Variants in CHCHD10 observed in about 807,000 individuals in gnomAD.
The protein encoded by CHCHD10 is coiled-coil-helix-coiled-coil-helix domain-containing protein 10, mitochondrial.
Under a neutral mutation model 14.8 loss-of-function variants are expected in CHCHD10, and 10 were observed. The ratio of observed to expected loss-of-function variants is 0.67; its 90% CI spans 0.42 to 1.14. The LOEUF is 1.14. Ranked by LOEUF, CHCHD10 falls within the 50% of genes most tolerant of loss-of-function variation. The pLI, the probability that CHCHD10 is intolerant of heterozygous loss-of-function variation, is 0.00. For missense variants in CHCHD10, 203 were observed against 196.9 expected (o/e 1.03, Z -0.19); for synonymous variants, 90 against 85.2 (o/e 1.06, Z -0.31).
In CHCHD10 at chr22:23,766,269, T is replaced by TGGGGGGCAAGGGGGGGG; in HGVS notation, c.267_268insCCCCCCCCTTGCCCCCC (p.Thr90ProfsTer46). The TGGGGGGCAAGGGGGGGG allele has an allele frequency of 1.3e-6, 1 of 747,120 alleles. No homozygotes were observed. The highest frequency in any genetic ancestry group is 3.4e-5 in the Admixed American group (1 of 29,382). 46.3% of individuals were successfully genotyped at this position (747,120 alleles called of 1,614,324 possible). ...TGCAGGGGCTGGGGGGCAGCGGGGG[T>TGGGGGGCAAGGGGGGGG]GGGGGCCTGGGGGTACAGTGCAAGA... On this transcript the variant is annotated frameshift_variant, in exon 3 of 4. Coordinates refer to ENST00000484558, the MANE Select transcript of CHCHD10 (RefSeq NM_213720.3). LOFTEE classifies it high-confidence loss of function.
Position 23,767,389 on chromosome 22 carries a change from C to CT in CHCHD10, c.245dup (p.Pro83AlafsTer36). The CT allele has an allele frequency of 6.2e-7, 1 of 1,608,844 alleles. No individual in the cohort carries two copies. Reference sequence around the variant, plus strand: ...CGCTGCTCACCTGCTGGACAGCAGGCTGGGAGGGCTCCGAGCTCCCCCCGC... The same window carrying CT: ...CGCTGCTCACCTGCTGGACAGCAGGCTTGGGAGGGCTCCGAGCTCCCCCCGC... On this transcript the variant is annotated frameshift_variant, in exon 2 of 4. Coordinates refer to ENST00000484558, the MANE Select transcript of CHCHD10 (RefSeq NM_213720.3). LOFTEE classifies it high-confidence loss of function.
rs765753241 is a variant in CHCHD10, at chr22:23,766,158, C to T, written c.379G>A (p.Glu127Lys). 4.3e-6 allele frequency: 7 copies of T among 1,613,378 alleles called. No homozygotes were observed. Among genetic ancestry groups the T allele is most frequent in the Non-Finnish European group, 5.9e-6 (7 of 1,179,764 alleles). Residue 127 changes from glutamate (E) to lysine (K), a missense_variant, in exon 3 of 4, where the codon GAG becomes AAG. Physicochemically the swap from Glu to Lys is moderately conservative, Grantham distance 56. Transcript: ENST00000484558. ...TAGTACTTGCACTGCTTCAGGGCCT[C>T]GCTGAAGCCCTCACACAGGGACAGG... The part of the protein sequence containing the change: ...SDLSLCEGFS[E>K]ALKQCKYYHG...
At position 23,766,397 on chromosome 22, in the gene CHCHD10, G is replaced by A. The variant is rs1328805851; in HGVS notation, c.262-122C>T. On this transcript the variant is annotated intron_variant, in intron 2 of 3. Coordinates refer to ENST00000484558, the MANE Select transcript of CHCHD10 (RefSeq NM_213720.3). Reference sequence around the variant, plus strand: ...AGCCTGGGTGTCCCAAGGGTCCTAGGCAGGCTGAGTGATCCAGCAGCAGAG... The same window carrying A: ...AGCCTGGGTGTCCCAAGGGTCCTAGACAGGCTGAGTGATCCAGCAGCAGAG... The A allele has an allele frequency of 7.4e-6, 6 of 811,412 alleles. No individual in the cohort carries two copies. In the East Asian group the frequency reaches 1.1e-4, roughly 15 times the overall value. The allele number at this position is 811,412 out of a possible 1,614,324, so 50.3% of individuals were successfully genotyped here.
chr22:23,767,807 C>A (rs1348709273), intron 1 of CHCHD10, 27 bp downstream of exon 1: 2 of 1,542,234 alleles, frequency 1.3e-6, no homozygotes, highest in Non-Finnish European at 1.8e-6. Context: ...TAACCCCCTC[C>A]CCACAGGGCC....
chr22:23,767,155 C>G (rs767045604), intron 2 of CHCHD10, among the ~76,000 whole-genome samples: 3 of 152,218 alleles, frequency 2.0e-5, no homozygotes, highest in Non-Finnish European at 2.9e-5. Flanking sequence ...TGGTGTCTCT[C>G]CCTGGGAGCT....
At chr22:23,766,447 C>T in intron 2 of CHCHD10, 172 bp from the exon 3 acceptor site, 5 of 540,232 alleles carry the variant, frequency 9.3e-6, no homozygotes, top group Middle Eastern at 9.8e-4. Flanking sequence ...CATGTTTCTG[C>T]TGCCTTTTTT....
At chr22:23,767,191 G>T (rs958493208) in intron 2 of CHCHD10, among the ~76,000 whole-genome samples, 183 bp downstream of exon 2, 3 of 152,230 alleles carry the variant, frequency 2.0e-5, no homozygotes, top group African/African-American at 7.2e-5. Flanking sequence ...CAAGGGAGAG[G>T]CCGGGAAGCC....
chr22:23,766,395 AG>A, intron 2 of CHCHD10, 120 bp from the exon 3 acceptor site: 1 of 794,536 alleles, frequency 1.3e-6, no homozygotes, highest in South Asian at 1.8e-5. Context: ...CAAGGGTCCT[AG>A]GCAGGCTGAG....
In CHCHD10 at chr22:23,766,000, G is replaced by A. The variant is rs569804296; in HGVS notation, c.*7C>T. On this transcript the variant is annotated 3_prime_UTR_variant, in exon 4 of 4. Coordinates refer to ENST00000484558, the MANE Select transcript of CHCHD10 (RefSeq NM_213720.3). ...CAGGACTGGCCCCCGAGTCTGCACC[G>A]ACCTCTTCAGGGCAGGGAGCTCAGA... 1.2e-5 allele frequency: 19 copies of A among 1,613,472 alleles called. No homozygotes were observed. Among genetic ancestry groups the A allele is most frequent in the Middle Eastern group, 1.7e-4 (1 of 5,942 alleles).
At chr22:23,766,667 T>G (rs1206831675) in intron 2 of CHCHD10, among the ~76,000 whole-genome samples, 1 of 152,120 alleles carries the variant, frequency 6.6e-6, no homozygotes, top group Non-Finnish European at 1.5e-5. Flanking sequence ...TTGGCCAGGC[T>G]GGTATCGAAC....
Position 23,767,917 on chromosome 22 carries a change from G to A in CHCHD10, c.-43C>T. 6.9e-7 allele frequency: 1 copy of A among 1,450,314 alleles called. No individual in the cohort carries two copies. The highest frequency in any genetic ancestry group is 9.1e-7 in the Non-Finnish European group (1 of 1,095,752). The allele number at this position is 1,450,314 out of a possible 1,614,324, so 89.8% of individuals were successfully genotyped here. ...CCGGGCGACCTTAGAGACGGCGGCA[G>A]CGGTGCTGTCGCGGGGACAAATGCC... On this transcript the variant is annotated 5_prime_UTR_variant, in exon 1 of 4. Coordinates refer to ENST00000484558, the MANE Select transcript of CHCHD10 (RefSeq NM_213720.3).
intron 2 of CHCHD10, 176 bp from the exon 3 acceptor site, chr22:23,766,451 CTTTTTTT>C (rs131440): frequency 5.6e-5 from 23 of 413,002 alleles, no homozygotes; most frequent in Non-Finnish European, 7.2e-5. Flanking sequence ...TTTCTGCTGC[CTTTTTTT>C]TTTTTTTTTT....
In CHCHD10 at chr22:23,765,962, G is replaced by A. The variant is rs547808142; in HGVS notation, c.*45C>T. 27 of 1,612,838 alleles carry A rather than the reference G, an allele frequency of 1.7e-5. No individual in the cohort carries two copies. The highest frequency in any genetic ancestry group is 2.1e-5 in the Non-Finnish European group (25 of 1,179,718). Reference sequence around the variant, plus strand: ...GTTGTGGTCTGGCTGTCGGCGAGGGGTAGAGGTGGGTGCAGGACTGGCCCC... The same window carrying A: ...GTTGTGGTCTGGCTGTCGGCGAGGGATAGAGGTGGGTGCAGGACTGGCCCC... On this transcript the variant is annotated 3_prime_UTR_variant, in exon 4 of 4. Coordinates refer to ENST00000484558, the MANE Select transcript of CHCHD10 (RefSeq NM_213720.3).
intron 2 of CHCHD10, among the ~76,000 whole-genome samples, chr22:23,766,682 G>A (rs1926853224): frequency 6.6e-6 from 1 of 152,168 alleles, no homozygotes. Context: ...TCGAACTCCT[G>A]AACTCATGAT....
At chr22:23,766,398 C>T in intron 2 of CHCHD10, 123 bp from the exon 3 acceptor site, 1 of 787,834 alleles carries the variant, frequency 1.3e-6, no homozygotes, top group Non-Finnish European at 2.0e-6. Flanking sequence ...GGGTCCTAGG[C>T]AGGCTGAGTG....
chr22:23,766,117 C>T lies in CHCHD10; in HGVS notation c.409+11G>A, dbSNP rs745652443. The stretch of plus-strand genomic sequence containing the variant: ...CCCCCTCCCCGCCTGAGTCGGGGTC[C>T]ACTCACTCACCATGGTAGTACTTGC... On this transcript the variant is annotated intron_variant, in intron 3 of 3. Coordinates refer to ENST00000484558, the MANE Select transcript of CHCHD10 (RefSeq NM_213720.3). 27 of 1,613,288 alleles carry T rather than the reference C, an allele frequency of 1.7e-5. No homozygotes were observed. The Admixed American group carries it at 4.5e-4, about 27-fold the overall frequency.
In CHCHD10 at chr22:23,766,000, G is replaced by T. The variant is rs569804296; in HGVS notation, c.*7C>A. Reference sequence around the variant, plus strand: ...CAGGACTGGCCCCCGAGTCTGCACCGACCTCTTCAGGGCAGGGAGCTCAGA... The same window carrying T: ...CAGGACTGGCCCCCGAGTCTGCACCTACCTCTTCAGGGCAGGGAGCTCAGA... On this transcript the variant is annotated 3_prime_UTR_variant, in exon 4 of 4. Coordinates refer to ENST00000484558, the MANE Select transcript of CHCHD10 (RefSeq NM_213720.3). The T allele has an allele frequency of 1.2e-6, 2 of 1,613,472 alleles. No individual in the cohort carries two copies. The highest frequency in any genetic ancestry group is 1.7e-5 in the Admixed American group (1 of 59,986).
chr22:23,766,017 G>A lies in CHCHD10; in HGVS notation c.419C>T (p.Ser140Phe), dbSNP rs1377690424. The stretch of plus-strand genomic sequence containing the variant: ...TCTGCACCGACCTCTTCAGGGCAGG[G>A]AGCTCAGACCTGGGAAGGGAGGGGC... ...KQCKYYHGLS[S>F]LP Residue 140 changes from serine to phenylalanine, a missense_variant, in exon 4 of 4, where the codon TCC becomes TTC. By Grantham distance (155) the Ser-to-Phe change is radical. Coordinates refer to ENST00000484558, the MANE Select transcript of CHCHD10 (RefSeq NM_213720.3). 6.2e-7 allele frequency: 1 copy of A among 1,613,614 alleles called. No individual in the cohort carries two copies. Among genetic ancestry groups the A allele is most frequent in the African/African-American group, 1.3e-5 (1 of 74,904 alleles).
At chr22:23,767,765 C>T (rs1926977643) in intron 1 of CHCHD10, 69 bp downstream of exon 1, 5 of 1,332,364 alleles carry the variant, frequency 3.8e-6, no homozygotes, top group Non-Finnish European at 4.1e-6. Context: ...GGTCACTCTG[C>T]GGACGCCCTT....
Sources: gnomAD v4.1 joint callset for allele counts (sites outside exome capture counted in the v4.1 genomes callset) on GRCh38, gnomAD v4.1.1 for gene constraint, MANE v1.5 for transcripts, NCBI Gene and HGNC (gene_info 2026-07-23, HGNC 2026-07-21) for gene names.